SPIDR: variants seen among roughly 807,000 people sequenced by gnomAD.
The protein encoded by SPIDR is DNA repair-scaffolding protein.
SPIDR carries 93 observed loss-of-function variants against 104.6 expected under a neutral mutation model. The ratio of observed to expected loss-of-function variants is 0.89; its 90% confidence interval spans 0.75 to 1.06. The LOEUF is 1.06. Ranked by LOEUF, SPIDR falls within the 50% of genes least tolerant of loss-of-function variation. The pLI is 0.00. For missense variants in SPIDR, 1,154 were observed against 1,111.2 expected (o/e 1.04, Z -0.55); for synonymous variants, 431 against 416.9 (o/e 1.03, Z -0.41).
chr8:47,484,986 G>A (rs113719207), intron 8 of SPIDR, among the ~76,000 whole-genome samples: 2,750 of 152,298 alleles, frequency 0.018, 83 homozygotes, highest in African/African-American at 0.064. Flanking sequence ...ACTTGGGCTT[G>A]TCGGACACTG....
intron 5 of SPIDR, among the ~76,000 whole-genome samples, chr8:47,319,331 A>T (rs1554592723): frequency 6.6e-6 from 1 of 152,190 alleles, no homozygotes; most frequent in African/African-American, 2.4e-5. Flanking sequence ...ACCAACAAAG[A>T]TCAAAAGAGA....
At chr8:47,654,681 A>G (rs2072374178) in intron 10 of SPIDR, among the ~76,000 whole-genome samples, 1 of 152,114 alleles carries the variant, frequency 6.6e-6, no homozygotes, top group Non-Finnish European at 1.5e-5. Context: ...AAAGACCTAC[A>G]CTCATATAAG....
At chr8:47,680,319 C>A (rs1011057668) in intron 11 of SPIDR, among the ~76,000 whole-genome samples, 1 of 152,198 alleles carries the variant, frequency 6.6e-6, no homozygotes, top group African/African-American at 2.4e-5. Context: ...CAGAAGAGGG[C>A]CTGAGATAGA....
chr8:47,393,750 G>A (rs1233041326), intron 5 of SPIDR, among the ~76,000 whole-genome samples: 3 of 97,772 alleles, frequency 3.1e-5, no homozygotes, highest in East Asian at 2.9e-4. Flanking sequence ...TCATTCTTTC[G>A]TTCTCTTTCT....
intron 7 of SPIDR, among the ~76,000 whole-genome samples, chr8:47,436,902 C>A (rs953041216): frequency 6.6e-5 from 10 of 152,094 alleles, no homozygotes; most frequent in Non-Finnish European, 1.5e-4. Context: ...TAGCCCTGTC[C>A]CTGACCTAGT....
intron 10 of SPIDR, among the ~76,000 whole-genome samples, chr8:47,633,890 C>G (rs2067464105): frequency 6.6e-6 from 1 of 151,772 alleles, no homozygotes; most frequent in Non-Finnish European, 1.5e-5. Context: ...GCCCGGGGTT[C>G]AGAACCAGCC....
chr8:47,326,942 T>C (rs1554600618), intron 5 of SPIDR, among the ~76,000 whole-genome samples: 2 of 152,230 alleles, frequency 1.3e-5, no homozygotes, highest in Non-Finnish European at 2.9e-5. Context: ...CTGTTTTCAG[T>C]TCTCTTGGAT....
chr8:47,265,215 A>C (rs868919708), intron 1 of SPIDR, among the ~76,000 whole-genome samples: 1 of 133,680 alleles, frequency 7.5e-6, no homozygotes, highest in African/African-American at 3.0e-5. Context: ...TTTTTGAGAC[A>C]GTCTTACTCT....
chr8:47,453,895 C>G (rs1191337300), intron 8 of SPIDR, among the ~76,000 whole-genome samples: 1 of 152,112 alleles, frequency 6.6e-6, no homozygotes, highest in Non-Finnish European at 1.5e-5. Flanking sequence ...TTATCACTAG[C>G]TATCAGAGAA....
intron 8 of SPIDR, among the ~76,000 whole-genome samples, chr8:47,567,010 G>T (rs2057938876): frequency 6.6e-6 from 1 of 152,116 alleles, no homozygotes; most frequent in Non-Finnish European, 1.5e-5. Flanking sequence ...TCAGGTTAAG[G>T]AATATGGAAC....
intron 1 of SPIDR, among the ~76,000 whole-genome samples, chr8:47,276,595 G>A (rs2036477443): frequency 1.3e-5 from 2 of 152,096 alleles, no homozygotes; most frequent in South Asian, 2.1e-4. Context: ...ATAATCAAAG[G>A]GAAAACAATT....
chr8:47,288,170 A>G (rs1488369511), intron 3 of SPIDR, among the ~76,000 whole-genome samples: 5 of 151,960 alleles, frequency 3.3e-5, no homozygotes, highest in South Asian at 4.1e-4. Context: ...TGATTTCTGT[A>G]TTGTAGTTTG....
chr8:47,362,022 A>G (rs1335234939), intron 5 of SPIDR, among the ~76,000 whole-genome samples: 5 of 152,204 alleles, frequency 3.3e-5, no homozygotes, highest in African/African-American at 1.2e-4. Flanking sequence ...AAGTATCCAC[A>G]GTGAGCCCAG....
intron 4 of SPIDR, among the ~76,000 whole-genome samples, chr8:47,291,457 T>C (rs1403378174): frequency 2.0e-5 from 3 of 152,296 alleles, no homozygotes; most frequent in Non-Finnish European, 4.4e-5. Flanking sequence ...TCTTAAAGAC[T>C]AAACATGCAA....
intron 5 of SPIDR, among the ~76,000 whole-genome samples, chr8:47,335,786 T>C (rs2049592569): frequency 6.6e-6 from 1 of 152,228 alleles, no homozygotes; most frequent in East Asian, 1.9e-4. Flanking sequence ...CTACTCTTGC[T>C]TGCACTGTTT....
intron 5 of SPIDR, among the ~76,000 whole-genome samples, chr8:47,391,021 A>T (rs997750671): frequency 6.6e-6 from 1 of 152,114 alleles, no homozygotes; most frequent in Non-Finnish European, 1.5e-5. Flanking sequence ...GCACACCTGT[A>T]CATATCCTTT....
intron 8 of SPIDR, among the ~76,000 whole-genome samples, chr8:47,459,185 C>CAAGA (rs2154352345): frequency 2.0e-5 from 3 of 152,162 alleles, no homozygotes; most frequent in African/African-American, 4.8e-5. Flanking sequence ...GCCTCTTTCT[C>CAAGA]TATCTTGTGT....
At chr8:47,457,335 G>A (rs2073161578) in intron 8 of SPIDR, among the ~76,000 whole-genome samples, 2 of 152,112 alleles carry the variant, frequency 1.3e-5, no homozygotes, top group African/African-American at 2.4e-5. Context: ...TTGTGGTGTT[G>A]ACTTCCATTT....
chr8:47,718,070 G>A (rs1014785620), intron 16 of SPIDR, among the ~76,000 whole-genome samples: 7 of 152,232 alleles, frequency 4.6e-5, no homozygotes, highest in African/African-American at 1.7e-4. Context: ...GGACTCTAGA[G>A]GCTGGGGTTC....
Sources: gnomAD v4.1 joint callset for allele counts (sites outside exome capture counted in the v4.1 genomes callset) on GRCh38, gnomAD v4.1.1 for gene constraint, MANE v1.5 for transcripts, NCBI Gene and HGNC (gene_info 2026-07-23, HGNC 2026-07-21) for gene names.